FHIT: variants seen among roughly 807,000 people sequenced by gnomAD.
FHIT encodes bis(5'-adenosyl)-triphosphatase.
Under a neutral mutation model 17.9 loss-of-function variants are expected in FHIT, and 19 were observed. The observed-to-expected ratio is 1.06, with a 90% CI of 0.74 to 1.56. The LOEUF is 1.56. FHIT is among the 40% of genes most tolerant of loss of function. FHIT has a pLI of 0.00. For synonymous variants in FHIT, 81 were observed against 69.7 expected (o/e 1.16, Z -0.81); for missense variants, 248 against 189.2 (o/e 1.31, Z -1.82).
intron 5 of FHIT, among the ~76,000 whole-genome samples, chr3:60,027,956 T>C (rs915650380): frequency 1.3e-5 from 2 of 152,184 alleles, no homozygotes; most frequent in Non-Finnish European, 2.9e-5. Flanking sequence ...TTGCATTTTG[T>C]TTTAATTTTA....
At chr3:60,668,806 C>A (rs571034498) in intron 4 of FHIT, among the ~76,000 whole-genome samples, 3 of 152,070 alleles carry the variant, frequency 2.0e-5, no homozygotes, top group Admixed American at 1.3e-4. Flanking sequence ...ACCTCATGAT[C>A]CACCTGCCTC....
chr3:60,356,634 G>A (rs1158893406), intron 5 of FHIT, among the ~76,000 whole-genome samples: 1 of 151,428 alleles, frequency 6.6e-6, no homozygotes, highest in Non-Finnish European at 1.5e-5. Context: ...AGGCTTTCGG[G>A]AGAAGCTACC....
intron 5 of FHIT, among the ~76,000 whole-genome samples, chr3:60,366,866 C>A (rs1048369806): frequency 1.3e-5 from 2 of 152,216 alleles, no homozygotes; most frequent in Admixed American, 6.5e-5. Context: ...GGCTAAGGGA[C>A]TAGCTGAGGC....
chr3:60,311,106 C>T (rs953182949), intron 5 of FHIT, among the ~76,000 whole-genome samples: 12 of 152,266 alleles, frequency 7.9e-5, no homozygotes, highest in Admixed American at 5.9e-4. Context: ...CTTTTGGCAT[C>T]TTCCCCTCTT....
At chr3:61,090,936 C>T (rs1364819422) in intron 2 of FHIT, among the ~76,000 whole-genome samples, 2 of 152,180 alleles carry the variant, frequency 1.3e-5, no homozygotes, top group East Asian at 3.8e-4. Flanking sequence ...TATGCTTTCT[C>T]CTGCAACATC....
rs377335971 is a variant in FHIT, at chr3:60,070,122, T to A, written c.104-55970A>T. Among the ~76,000 whole-genome samples the A allele has an allele frequency of 3.9e-5, 6 of 152,220 alleles. No individual in the cohort carries two copies. In the East Asian group the frequency reaches 5.8e-4, roughly 15 times the overall value. ...TGCAATGACCAACTTGGTGGCCACA[T>A]CCAAGTCACAGGGCTCAGGATCACC... On this transcript the variant is annotated intron_variant, in intron 5 of 9. Coordinates refer to ENST00000492590, the MANE Select transcript of FHIT (RefSeq NM_002012.4).
At chr3:61,014,779 C>CAAAAAAAAAA (rs869289360) in intron 3 of FHIT, among the ~76,000 whole-genome samples, 1 of 65,808 alleles carries the variant, frequency 1.5e-5, no homozygotes, top group Non-Finnish European at 2.3e-5. Context: ...GACTCTGCCT[C>CAAAAAAAAAA]AAAAAAAAAA....
At chr3:60,339,506 T>C (rs557877157) in intron 5 of FHIT, among the ~76,000 whole-genome samples, 41 of 152,312 alleles carry the variant, frequency 2.7e-4, no homozygotes, top group African/African-American at 9.4e-4. Flanking sequence ...CTGTTGACAG[T>C]TGGCTCTCAA....
chr3:60,071,378 A>T lies in FHIT; in HGVS notation c.104-57226T>A, dbSNP rs944318443. ...TTTACTTTTTATGGTGACTACCGGAAAAACTAAAATTACACAAGTGGCTTG... is the reference window on the plus strand; with the variant it reads ...TTTACTTTTTATGGTGACTACCGGATAAACTAAAATTACACAAGTGGCTTG... On this transcript the variant is annotated intron_variant, in intron 5 of 9. Transcript: ENST00000492590. Among the ~76,000 whole-genome samples, 21 of 152,222 alleles carry T rather than the reference A, an allele frequency of 1.4e-4. 1 individual carries two copies. The highest frequency in any genetic ancestry group is 1.0e-3 in the Admixed American group (16 of 15,276).
At chr3:60,161,901 T>C (rs1301420345) in intron 5 of FHIT, among the ~76,000 whole-genome samples, 1 of 152,074 alleles carries the variant, frequency 6.6e-6, no homozygotes, top group Non-Finnish European at 1.5e-5. Flanking sequence ...AAGTCACCCC[T>C]TCAATGGGCA....
chr3:60,025,337 T>C (rs1196812729), intron 5 of FHIT, among the ~76,000 whole-genome samples: 3 of 152,182 alleles, frequency 2.0e-5, no homozygotes, highest in South Asian at 2.1e-4. Flanking sequence ...AATTCTTAAA[T>C]AGTCTCCTGA....
intron 5 of FHIT, among the ~76,000 whole-genome samples, chr3:60,335,775 C>T (rs962751838): frequency 1.3e-5 from 2 of 152,042 alleles, no homozygotes; most frequent in Non-Finnish European, 2.9e-5. Context: ...TTAATTATGC[C>T]TGTTTCTCTT....
chr3:60,477,801 A>G (rs1576725506), intron 5 of FHIT, among the ~76,000 whole-genome samples: 1 of 152,302 alleles, frequency 6.6e-6, no homozygotes, highest in Non-Finnish European at 1.5e-5. Flanking sequence ...GAGGGCAGAG[A>G]GCTCATCATC....
chr3:60,735,234 C>T (rs2042111364), intron 4 of FHIT, among the ~76,000 whole-genome samples: 1 of 152,174 alleles, frequency 6.6e-6, no homozygotes, highest in South Asian at 2.1e-4. Flanking sequence ...AAGGAAAAAA[C>T]TGCATAGCAC....
In FHIT at chr3:60,791,760, C is replaced by T. The variant is rs138927557; in HGVS notation, c.-18+30159G>A. Among the ~76,000 whole-genome samples, 347 of 152,252 alleles carry T rather than the reference C, an allele frequency of 2.3e-3. 2 individuals carry two copies. The highest frequency in any genetic ancestry group is 4.4e-3 in the Non-Finnish European group (297 of 68,018). ...TTGTCAACTCTGAATAATGTGAGGG[C>T]CAGTATGAATGAGAACAGTCCAATC... On this transcript the variant is annotated intron_variant, in intron 4 of 9. Transcript: ENST00000492590.
chr3:59,960,673 T>C (rs565852348), intron 7 of FHIT, among the ~76,000 whole-genome samples: 30 of 152,348 alleles, frequency 2.0e-4, no homozygotes, highest in African/African-American at 7.0e-4. Context: ...TTCTCGTCAA[T>C]CACTATATTC....
intron 5 of FHIT, among the ~76,000 whole-genome samples, chr3:60,341,989 A>G (rs769109778): frequency 1.3e-5 from 2 of 152,154 alleles, no homozygotes; most frequent in Non-Finnish European, 2.9e-5. Context: ...TTATTGGGTG[A>G]AAAAGAAAAA....
At chr3:60,233,716 T>C (rs540642593) in intron 5 of FHIT, among the ~76,000 whole-genome samples, 5 of 152,152 alleles carry the variant, frequency 3.3e-5, no homozygotes, top group Admixed American at 1.3e-4. Context: ...CCATGTGTCA[T>C]GGGAGGGACC....
chr3:60,218,812 A>G (rs1703820129), intron 5 of FHIT, among the ~76,000 whole-genome samples: 1 of 152,156 alleles, frequency 6.6e-6, no homozygotes, highest in African/African-American at 2.4e-5. Context: ...TAAGTGACAT[A>G]AATGAGGTTT....
Sources: allele counts gnomAD v4.1 joint callset (sites outside exome capture counted in the v4.1 genomes callset), GRCh38; gene constraint gnomAD v4.1.1; transcripts MANE v1.5; gene names NCBI Gene and HGNC (gene_info 2026-07-23, HGNC 2026-07-21).